Variants in APH1B observed in about 807,000 individuals in gnomAD.
The protein encoded by APH1B is aph-1B gamma-secretase subunit, also known as gamma-secretase subunit APH-1B.
APH1B carries 27 observed loss-of-function variants against 28.2 expected under a neutral mutation model. That is an observed-to-expected ratio of 0.96 (90% CI 0.70 to 1.32). The LOEUF (loss-of-function observed/expected upper bound fraction) is 1.32, where lower values mean the gene tolerates loss of function less well. Ranked by LOEUF, APH1B falls within the 40% of genes most tolerant of loss-of-function variation. APH1B has a pLI of 0.00. For missense variants in APH1B, 305 were observed against 313.6 expected (o/e 0.97, Z 0.21); for synonymous variants, 141 against 124.6 (o/e 1.13, Z -0.88).
rs548146789 is a variant in APH1B, at chr15:63,307,266, G to A, written c.*1485G>A. 6.6e-6 allele frequency: 1 copy of A among 152,238 alleles called. No homozygotes were observed. The highest frequency in any genetic ancestry group is 2.4e-5 in the African/African-American group (1 of 41,536). 9.4% of individuals were successfully genotyped at this position (152,238 alleles called of 1,614,324 possible). A position where few individuals can be genotyped will look rare whatever the true frequency, so the allele number is the denominator to read the frequency against. On this transcript the variant is annotated 3_prime_UTR_variant, in exon 6 of 6. Coordinates refer to ENST00000261879, the MANE Select transcript of APH1B (RefSeq NM_031301.4). ...TTAAAGCTAACATAGCCAGTGTTTT[G>A]GGCTAGCCACACATCATTCCAGAGA... is the stretch of plus-strand genomic sequence containing the variant.
intron 2 of APH1B, among the ~76,000 whole-genome samples, chr15:63,283,610 T>C (rs1440375492): frequency 6.6e-6 from 1 of 152,234 alleles, no homozygotes; most frequent in Non-Finnish European, 1.5e-5. Flanking sequence ...TTTTCAAATA[T>C]GATTTGCAAA....
chr15:63,301,706 C>T (rs377150295), intron 4 of APH1B, among the ~76,000 whole-genome samples: 10 of 151,298 alleles, frequency 6.6e-5, no homozygotes, highest in Admixed American at 2.6e-4. Context: ...CTGAGCCTCC[C>T]GAATAGTTGG....
rs1380811071 is a variant in APH1B, at chr15:63,287,547, G to A, written c.478+1G>A. On this transcript the variant is annotated splice_donor_variant, in intron 4 of 5. Transcript: ENST00000261879. LOFTEE classifies it high-confidence loss of function. Reference sequence around the variant, plus strand: ...TCTCCTCAATTCTTCCTTTATTCAGGTATGTGTCTCATAGCTGTCAACATT... The same window carrying A: ...TCTCCTCAATTCTTCCTTTATTCAGATATGTGTCTCATAGCTGTCAACATT... 2 of 1,613,614 alleles carry A rather than the reference G, an allele frequency of 1.2e-6. No homozygotes were observed. The highest frequency in any genetic ancestry group is 4.5e-5 in the East Asian group (2 of 44,866).
Position 63,308,497 on chromosome 15 carries a change from T to C in APH1B, c.*2716T>C, listed in dbSNP as rs929667221. 3 of 152,272 alleles carry C rather than the reference T, an allele frequency of 2.0e-5. No homozygotes were observed. Among genetic ancestry groups the C allele is most frequent in the East Asian group, 1.9e-4 (1 of 5,206 alleles). The allele number at this position is 152,272 out of a possible 1,614,324, so 9.4% of individuals were successfully genotyped here. ...AGAAAATGGCTTTTGTTCCCAGCGT[T>C]AACATTTTCTTCTCAATCACATTTC... On this transcript the variant is annotated 3_prime_UTR_variant, in exon 6 of 6. Coordinates refer to ENST00000261879, the MANE Select transcript of APH1B (RefSeq NM_031301.4).
intron 5 of APH1B, 142 bp downstream of exon 5, chr15:63,302,614 A>T (rs1348081557): frequency 1.8e-6 from 2 of 1,131,756 alleles, no homozygotes; most frequent in African/African-American, 3.2e-5. Context: ...TGAATGAGTC[A>T]TGTAAGTCTT....
At chr15:63,287,606 G>T (rs1353310459) in intron 4 of APH1B, 60 bp downstream of exon 4, 3 of 1,561,358 alleles carry the variant, frequency 1.9e-6, no homozygotes, top group Non-Finnish European at 2.6e-6. Context: ...TTCTTATTGG[G>T]GTTCACTGGC....
Position 63,308,764 on chromosome 15 carries a change from G to C in APH1B, c.*2983G>C, listed in dbSNP as rs2038713038. 6.6e-6 allele frequency: 1 copy of C among 152,236 alleles called. No individual in the cohort carries two copies. Among genetic ancestry groups the C allele is most frequent in the African/African-American group, 2.4e-5 (1 of 41,466 alleles). The allele number at this position is 152,236 out of a possible 1,614,324, so 9.4% of individuals were successfully genotyped here. ...GCACCAGCGGCCTGATTCCAGGGAA[G>C]AGTTCCTGGAGGGTGTTGGCTGTTT... is the stretch of plus-strand genomic sequence containing the variant. On this transcript the variant is annotated 3_prime_UTR_variant, in exon 6 of 6. Coordinates refer to ENST00000261879, the MANE Select transcript of APH1B (RefSeq NM_031301.4).
At chr15:63,297,511 C>CA (rs2038580494) in intron 4 of APH1B, among the ~76,000 whole-genome samples, 2 of 151,958 alleles carry the variant, frequency 1.3e-5, no homozygotes, top group South Asian at 4.1e-4. Flanking sequence ...GTCTGGGTGA[C>CA]AGAGTTGAGA....
chr15:63,305,083 C>A (rs562992829), intron 5 of APH1B, among the ~76,000 whole-genome samples: 11 of 152,194 alleles, frequency 7.2e-5, no homozygotes, highest in Non-Finnish European at 1.6e-4. Context: ...TACCTGCCTC[C>A]CTTACTAGTA....
chr15:63,294,581 A>G (rs1195355797), intron 4 of APH1B, among the ~76,000 whole-genome samples: 1 of 152,172 alleles, frequency 6.6e-6, no homozygotes, highest in African/African-American at 2.4e-5. Context: ...AATGGTTCAT[A>G]CTGTAACATG....
chr15:63,277,908 TAGGAA>T, intron 1 of APH1B, 172 bp downstream of exon 1: 1 of 654,154 alleles, frequency 1.5e-6, no homozygotes, highest in South Asian at 2.0e-5. Flanking sequence ...CTCGCCCTCT[TAGGAA>T]GAAGCGCACA....
intron 2 of APH1B, 103 bp downstream of exon 2, chr15:63,279,434 A>G: frequency 1.9e-6 from 2 of 1,071,492 alleles, no homozygotes; most frequent in East Asian, 2.5e-5. Context: ...GCCCTCCTAC[A>G]TAGTACTAAG....
intron 2 of APH1B, among the ~76,000 whole-genome samples, chr15:63,280,639 A>C (rs1199760532): frequency 6.6e-6 from 1 of 152,240 alleles, no homozygotes; most frequent in Non-Finnish European, 1.5e-5. Context: ...AGAAGCAAAA[A>C]TCATATCTTA....
At chr15:63,290,130 A>G (rs1255313311) in intron 4 of APH1B, among the ~76,000 whole-genome samples, 1 of 152,212 alleles carries the variant, frequency 6.6e-6, no homozygotes, top group Admixed American at 6.5e-5. Flanking sequence ...ATTTCAGATA[A>G]GGGATATTCA....
intron 2 of APH1B, among the ~76,000 whole-genome samples, chr15:63,284,969 G>T (rs1250941111): frequency 6.6e-6 from 1 of 152,154 alleles, no homozygotes. Context: ...TGTCCCATAA[G>T]CTTTAATTCA....
intron 4 of APH1B, among the ~76,000 whole-genome samples, chr15:63,296,304 C>T (rs759549958): frequency 1.3e-5 from 2 of 152,176 alleles, no homozygotes; most frequent in African/African-American, 4.8e-5. Context: ...GCCAAAAGCC[C>T]ATTGATCTTC....
Position 63,300,133 on chromosome 15 carries a change from C to T in APH1B, c.479-2212C>T, listed in dbSNP as rs530055506. ...CCTATTCCAGTTTGTGCTGGTTTTGCGAGGTCTTCCTCTGGTATCTGGTCA... is the reference window on the plus strand; with the variant it reads ...CCTATTCCAGTTTGTGCTGGTTTTGTGAGGTCTTCCTCTGGTATCTGGTCA... On this transcript the variant is annotated intron_variant, in intron 4 of 5. Transcript: ENST00000261879. 1.5e-4 allele frequency among the ~76,000 whole-genome samples: 23 copies of T among 152,056 alleles called. No homozygotes were observed. In the East Asian group the frequency reaches 2.9e-3, roughly 19 times the overall value.
chr15:63,298,687 A>T (rs749289009), intron 4 of APH1B, among the ~76,000 whole-genome samples: 5 of 152,194 alleles, frequency 3.3e-5, no homozygotes, highest in Non-Finnish European at 5.9e-5. Context: ...AAAGATATGG[A>T]TTGCCAAGCA....
intron 2 of APH1B, among the ~76,000 whole-genome samples, chr15:63,280,373 G>C (rs1213979372): frequency 1.3e-5 from 2 of 152,184 alleles, no homozygotes; most frequent in Admixed American, 1.3e-4. Context: ...TATGTAGTAA[G>C]TCTTAATAGA....
Sources: allele counts gnomAD v4.1 joint callset (sites outside exome capture counted in the v4.1 genomes callset), GRCh38; gene constraint gnomAD v4.1.1; transcripts MANE v1.5; gene names NCBI Gene and HGNC (gene_info 2026-07-23, HGNC 2026-07-21).